Variants in NLGN1 observed in about 807,000 individuals in gnomAD.
NLGN1 encodes neuroligin-1.
A neutral mutation model predicts 65.5 loss-of-function variants in NLGN1; 12 were observed. That is an observed-to-expected ratio of 0.18 (90% confidence interval 0.12 to 0.30). The LOEUF (loss-of-function observed/expected upper bound fraction) is 0.30. Among genes scored for constraint, NLGN1 ranks in the 10% least tolerant of loss-of-function variants. NLGN1 has a pLI of 1.00. For missense variants in NLGN1, 750 were observed against 1,007.1 expected (o/e 0.74, Z 3.46); for synonymous variants, 350 against 359.5 (o/e 0.97, Z 0.30).
At chr3:173,859,262 A>G (rs1032870836) in intron 4 of NLGN1, among the ~76,000 whole-genome samples, 1 of 152,266 alleles carries the variant, frequency 6.6e-6, no homozygotes, top group East Asian at 1.9e-4. Flanking sequence ...TATGAAAACT[A>G]TATCATGGTC....
intron 2 of NLGN1, among the ~76,000 whole-genome samples, chr3:173,448,621 A>T (rs529599997): frequency 6.6e-6 from 1 of 152,308 alleles, no homozygotes; most frequent in Admixed American, 6.5e-5. Flanking sequence ...TGACTGGAAT[A>T]GTTTCAGAAG....
intron 4 of NLGN1, among the ~76,000 whole-genome samples, chr3:173,901,911 A>G (rs1737454050): frequency 6.6e-6 from 1 of 152,070 alleles, no homozygotes; most frequent in African/African-American, 2.4e-5. Flanking sequence ...GAGACTTCAG[A>G]CACATTTTGC....
chr3:173,602,938 A>G (rs1750779205), intron 2 of NLGN1, among the ~76,000 whole-genome samples: 2 of 152,134 alleles, frequency 1.3e-5, no homozygotes. Context: ...TTTCACAGCA[A>G]AGGTATGTGA....
exon 3 of NLGN1, chr3:173,604,522 T>C: frequency 6.8e-7 from 1 of 1,481,276 alleles, no homozygotes; most frequent in African/African-American, 1.4e-5. Flanking sequence ...TATTCTACCA[T>C]TATACAGTCT....
intron 3 of NLGN1, among the ~76,000 whole-genome samples, chr3:173,718,943 T>C (rs1367020556): frequency 6.6e-6 from 1 of 152,194 alleles, no homozygotes. Flanking sequence ...CTTATATTGC[T>C]GAGCTATAGT....
At chr3:173,729,243 T>G (rs1414340142) in intron 3 of NLGN1, among the ~76,000 whole-genome samples, 2 of 152,192 alleles carry the variant, frequency 1.3e-5, no homozygotes, top group South Asian at 4.1e-4. Flanking sequence ...AAAATGTATT[T>G]TCAGCTTTAA....
In NLGN1 at chr3:174,236,026, T is replaced by C. The variant is rs570604244; in HGVS notation, c.647-39289T>C. On this transcript the variant is annotated intron_variant, in intron 4 of 6. Transcript: ENST00000457714. Reference sequence around the variant, plus strand: ...AAGTAGTCAGGGAGTTGGACTCTTATTCACTGCTCTTTCTTCAATACTTAG... The same window carrying C: ...AAGTAGTCAGGGAGTTGGACTCTTACTCACTGCTCTTTCTTCAATACTTAG... 1.2e-4 allele frequency among the ~76,000 whole-genome samples: 18 copies of C among 152,296 alleles called. No individual in the cohort carries two copies. In the South Asian group the frequency reaches 3.7e-3, roughly 32 times the overall value.
chr3:173,762,600 T>G (rs1199255253), intron 3 of NLGN1, among the ~76,000 whole-genome samples: 3 of 152,056 alleles, frequency 2.0e-5, no homozygotes, highest in African/African-American at 7.2e-5. Flanking sequence ...TACTACACAA[T>G]GAGCCTACCT....
intron 3 of NLGN1, among the ~76,000 whole-genome samples, chr3:173,713,606 C>A (rs1159454827): frequency 1.3e-5 from 2 of 151,902 alleles, no homozygotes; most frequent in Admixed American, 6.6e-5. Context: ...TATTTTCTAG[C>A]TTATTTCACT....
intron 3 of NLGN1, among the ~76,000 whole-genome samples, chr3:173,719,523 A>G (rs1389349946): frequency 1.3e-5 from 2 of 152,194 alleles, no homozygotes; most frequent in South Asian, 2.1e-4. Context: ...AAGGGGACTT[A>G]CATCACAATT....
intron 4 of NLGN1, among the ~76,000 whole-genome samples, chr3:173,872,625 A>G (rs1731384610): frequency 6.6e-6 from 1 of 152,172 alleles, no homozygotes; most frequent in Admixed American, 6.5e-5. Flanking sequence ...CCCACATCAC[A>G]GGATTTTTTA....
the NLGN1 span, among the ~76,000 whole-genome samples, chr3:174,294,300 A>G: frequency 6.6e-6 from 1 of 151,378 alleles, no homozygotes; most frequent in Non-Finnish European, 1.5e-5. Context: ...TATTTTTTCT[A>G]TTCGTTTATT....
chr3:173,578,425 G>C (rs1745879955), intron 2 of NLGN1, among the ~76,000 whole-genome samples: 1 of 152,046 alleles, frequency 6.6e-6, no homozygotes, highest in Non-Finnish European at 1.5e-5. Context: ...TCCAAAAAAA[G>C]AGTACCCAAC....
chr3:173,716,859 A>G (rs183654539), intron 3 of NLGN1, among the ~76,000 whole-genome samples: 23 of 152,178 alleles, frequency 1.5e-4, no homozygotes, highest in Non-Finnish European at 2.8e-4. Flanking sequence ...TATCTTGATG[A>G]AGATATCGTA....
chr3:173,724,051 C>G (rs1261335512), intron 3 of NLGN1, among the ~76,000 whole-genome samples: 2 of 152,130 alleles, frequency 1.3e-5, no homozygotes, highest in Admixed American at 6.6e-5. Context: ...GGTAGGGATC[C>G]ATGGGGGTCA....
chr3:174,265,972 G>A (rs539925385), intron 4 of NLGN1, among the ~76,000 whole-genome samples: 1 of 146,746 alleles, frequency 6.8e-6, no homozygotes, highest in East Asian at 2.0e-4. Context: ...ATGTGTATAA[G>A]TATATATATG....
intron 4 of NLGN1, among the ~76,000 whole-genome samples, chr3:174,102,550 G>T (rs16833321): frequency 0.28 from 41,858 of 151,876 alleles, 7,499 homozygotes; most frequent in African/African-American, 0.52. Flanking sequence ...AATGAGAGCC[G>T]TATTCAAATG....
intron 4 of NLGN1, among the ~76,000 whole-genome samples, chr3:174,041,901 A>C (rs1732398400): frequency 6.6e-6 from 1 of 152,164 alleles, no homozygotes; most frequent in African/African-American, 2.4e-5. Context: ...TAAAAATACA[A>C]AAATTACCTG....
chr3:173,965,833 G>A (rs1489363557), intron 4 of NLGN1, among the ~76,000 whole-genome samples: 3 of 152,088 alleles, frequency 2.0e-5, no homozygotes, highest in African/African-American at 4.8e-5. Context: ...AGAGAAAAAA[G>A]GGCATGTTTT....
Sources: gnomAD v4.1 joint callset for allele counts (sites outside exome capture counted in the v4.1 genomes callset) on GRCh38, gnomAD v4.1.1 for gene constraint, MANE v1.5 for transcripts, NCBI Gene and HGNC (gene_info 2026-07-23, HGNC 2026-07-21) for gene names.